TMEM161B: variants seen among roughly 807,000 people sequenced by gnomAD.
The protein encoded by TMEM161B is transmembrane protein 161B.
A neutral mutation model predicts 61.8 loss-of-function variants in TMEM161B; 34 were observed. That is an observed-to-expected ratio of 0.55 (90% CI 0.42 to 0.73). TMEM161B has a LOEUF of 0.73. TMEM161B is among the 30% of genes least tolerant of loss of function. TMEM161B has a pLI of 0.00. For missense variants in TMEM161B, 456 were observed against 558.5 expected, an observed-to-expected ratio of 0.82 and a Z score of 1.85; for synonymous variants, 167 against 192.8, an observed-to-expected ratio of 0.87 and a Z score of 1.11.
chr5:88,254,642 G>T (rs1330709202), intron 1 of TMEM161B, among the ~76,000 whole-genome samples: 4 of 152,078 alleles, frequency 2.6e-5, no homozygotes, highest in Admixed American at 2.6e-4. Flanking sequence ...TTCAAGACCA[G>T]CCTGGGCAAC....
chr5:88,255,542 A>G (rs140349889), intron 1 of TMEM161B, among the ~76,000 whole-genome samples: 2 of 152,346 alleles, frequency 1.3e-5, no homozygotes, highest in Non-Finnish European at 2.9e-5. Flanking sequence ...CTTGACCTAC[A>G]AAATGGCAAT....
chr5:88,267,670 T>G (rs1475302515), intron 1 of TMEM161B, among the ~76,000 whole-genome samples: 3 of 152,168 alleles, frequency 2.0e-5, no homozygotes, highest in Non-Finnish European at 4.4e-5. Flanking sequence ...GTTTGTGTTC[T>G]GAGAAATTGG....
intron 4 of TMEM161B, among the ~76,000 whole-genome samples, chr5:88,224,795 A>G (rs895305186): frequency 2.0e-5 from 3 of 152,022 alleles, no homozygotes; most frequent in African/African-American, 7.2e-5. Context: ...TCCTCAGCCT[A>G]CTGAAAGTGA....
chr5:88,203,250 G>C (rs1231331640), intron 8 of TMEM161B, among the ~76,000 whole-genome samples, 175 bp from the exon 9 acceptor site: 2 of 152,020 alleles, frequency 1.3e-5, no homozygotes, highest in Non-Finnish European at 2.9e-5. Flanking sequence ...ACTGATTTGA[G>C]CCTGTGAGAA....
rs1474576677 is a variant in TMEM161B, at chr5:88,198,992, A to G, written c.1073T>C (p.Val358Ala). 6.2e-7 allele frequency: 1 copy of G among 1,612,658 alleles called. No homozygotes were observed. The highest frequency in any genetic ancestry group is 2.2e-5 in the East Asian group (1 of 44,856). Residue 358 changes from valine (V) to alanine (A), a missense_variant, in exon 10 of 12, where the codon GTT (valine) becomes GCT (alanine). Val to Ala is a moderately conservative substitution (Grantham distance 64, BLOSUM62 0). Around this residue, in one of 3 missense-constraint regions of TMEM161B, gnomAD observed 367 missense variants for 427.3 expected, o/e 0.86. Coordinates refer to ENST00000296595, the MANE Select transcript of TMEM161B (RefSeq NM_153354.5). ...AAAACTTACCATTTTCTGTAGCTCA[A>G]CCGTGCTTATTCGCCCCGCTTCTTT... Reference protein sequence around the residue: ...MKKEAGRISTVELQKMVARVF... With the variant: ...MKKEAGRISTAELQKMVARVF...
At chr5:88,187,220 T>C (rs1032786434), downstream of TMEM161B, among the ~76,000 whole-genome samples, 9 of 152,328 alleles carry the variant, frequency 5.9e-5, no homozygotes, top group Non-Finnish European at 8.8e-5. Flanking sequence ...ATCCATTTGT[T>C]TGTCTTTATG....
chr5:88,235,795 G>A (rs997476234), intron 2 of TMEM161B, among the ~76,000 whole-genome samples: 3 of 152,124 alleles, frequency 2.0e-5, no homozygotes, highest in Non-Finnish European at 4.4e-5. Context: ...CCAGTGGAGG[G>A]GAGGCTTAAG....
intron 1 of TMEM161B, among the ~76,000 whole-genome samples, chr5:88,262,966 A>G (rs1022403757): frequency 6.6e-6 from 1 of 152,176 alleles, no homozygotes; most frequent in Non-Finnish European, 1.5e-5. Flanking sequence ...AATTTCATAT[A>G]ATCGATTACT....
chr5:88,203,061 A>T lies in TMEM161B; in HGVS notation c.815T>A (p.Ile272Asn). 1 of 1,596,010 alleles carries T rather than the reference A, an allele frequency of 6.3e-7. No homozygotes were observed. Among genetic ancestry groups the T allele is most frequent in the Non-Finnish European group, 8.6e-7 (1 of 1,164,194 alleles). The change falls in exon 9 of 12, where the codon ATC (isoleucine) becomes AAC (asparagine). Residue 272 changes from isoleucine to asparagine, a missense_variant. Physicochemically the swap from Ile to Asn is moderately radical, Grantham distance 149 (BLOSUM62 -3). Coordinates refer to ENST00000296595, the MANE Select transcript of TMEM161B (RefSeq NM_153354.5). ...CATAAATAAAGGTGCCAAGAAGTTG[A>T]TATGAAGTAAAGTTCTGAAAGTACG... ...TEKITQTLLH[I>N]NFLAPLFMVL...
downstream of TMEM161B, among the ~76,000 whole-genome samples, chr5:88,188,842 T>C (rs1748529751): frequency 6.6e-6 from 1 of 152,146 alleles, no homozygotes; most frequent in South Asian, 2.1e-4. Flanking sequence ...GGGTGGTTAA[T>C]CTTTTAACCT....
intron 2 of TMEM161B, among the ~76,000 whole-genome samples, chr5:88,231,628 T>C (rs415302): frequency 0.71 from 108,634 of 152,048 alleles, 38,911 homozygotes; most frequent in South Asian, 0.77. Flanking sequence ...ATAAAAAATA[T>C]ATATATCCCA....
At chr5:88,242,293 T>C (rs1472775095) in intron 1 of TMEM161B, among the ~76,000 whole-genome samples, 1 of 151,722 alleles carries the variant, frequency 6.6e-6, no homozygotes, top group Non-Finnish European at 1.5e-5. Flanking sequence ...TCACTCCATC[T>C]TGACAAATTA....
chr5:88,223,422 T>C (rs1749379527), intron 4 of TMEM161B, among the ~76,000 whole-genome samples: 1 of 152,220 alleles, frequency 6.6e-6, no homozygotes, highest in African/African-American at 2.4e-5. Flanking sequence ...AGAATGTTTA[T>C]ATATTCTTGT....
chr5:88,263,350 T>C (rs1755930206), intron 1 of TMEM161B, among the ~76,000 whole-genome samples: 1 of 152,152 alleles, frequency 6.6e-6, no homozygotes, highest in Non-Finnish European at 1.5e-5. Context: ...CGAGATTGTC[T>C]CTGTTTTTAA....
intron 1 of TMEM161B, among the ~76,000 whole-genome samples, chr5:88,262,378 G>C (rs889546724): frequency 6.6e-6 from 1 of 152,094 alleles, no homozygotes; most frequent in African/African-American, 2.4e-5. Flanking sequence ...CTTACCATAT[G>C]ATCCAGCAAT....
At chr5:88,191,982 GTATATATA>G (rs67658909), downstream of TMEM161B, among the ~76,000 whole-genome samples, 1,623 of 19,498 alleles carry the variant, frequency 0.083, 106 homozygotes, top group East Asian at 0.16. Flanking sequence ...AAAAAAAAGT[GTATATATA>G]TATATATATA....
At chr5:88,221,717 C>T in intron 4 of TMEM161B, 1 of 456,060 alleles carries the variant, frequency 2.2e-6, no homozygotes, top group Non-Finnish European at 4.4e-6. Context: ...TTACTTCTAC[C>T]AGAGTGTAGT....
At chr5:88,241,071 A>G (rs1162166350) in intron 1 of TMEM161B, among the ~76,000 whole-genome samples, 155 bp from the exon 2 acceptor site, 2 of 151,890 alleles carry the variant, frequency 1.3e-5, no homozygotes, top group Non-Finnish European at 2.9e-5. Flanking sequence ...TGCAGGCTCC[A>G]CAACTGCAGA....
intron 2 of TMEM161B, among the ~76,000 whole-genome samples, chr5:88,237,622 A>G (rs537029164): frequency 6.6e-6 from 1 of 152,238 alleles, no homozygotes; most frequent in South Asian, 2.1e-4. Context: ...CTCAATGAAC[A>G]GATCTAAATG....
Sources: gnomAD v4.1 joint callset for allele counts (sites outside exome capture counted in the v4.1 genomes callset) on GRCh38, gnomAD v4.1.1 for gene constraint, gnomAD v4.1.1 regional missense constraint, MANE v1.5 for transcripts, NCBI Gene and HGNC (gene_info 2026-07-23, HGNC 2026-07-21) for gene names.